DPP10: variants seen among roughly 807,000 people sequenced by gnomAD.
DPP10 encodes dipeptidyl peptidase like 10.
A neutral mutation model predicts 120.9 loss-of-function variants in DPP10; 33 were observed. The ratio of observed to expected loss-of-function variants is 0.27; its 90% CI spans 0.21 to 0.37. The LOEUF (loss-of-function observed/expected upper bound fraction) is 0.37, where lower values mean the gene tolerates loss of function less well. Among genes scored for constraint, DPP10 ranks in the 10% least tolerant of loss-of-function variants. The pLI is 1.00. For missense variants in DPP10, 816 were observed against 942.8 expected, an observed-to-expected ratio of 0.87 and a Z score of 1.76; for synonymous variants, 337 against 326.1, an observed-to-expected ratio of 1.03 and a Z score of -0.36.
intron 1 of DPP10, among the ~76,000 whole-genome samples, chr2:114,550,302 G>A (rs1460972531): frequency 1.3e-5 from 2 of 152,234 alleles, no homozygotes; most frequent in Admixed American, 6.5e-5. Flanking sequence ...GACTCCAGTT[G>A]CACCACATTA....
intron 1 of DPP10, among the ~76,000 whole-genome samples, chr2:114,744,490 A>G (rs896429909): frequency 6.6e-6 from 1 of 152,344 alleles, no homozygotes; most frequent in East Asian, 1.9e-4. Flanking sequence ...TGCTAACATT[A>G]GAACATGAAG....
At chr2:115,642,228 G>A (rs1558967635) in intron 5 of DPP10, among the ~76,000 whole-genome samples, 1 of 151,862 alleles carries the variant, frequency 6.6e-6, no homozygotes, top group Non-Finnish European at 1.5e-5. Context: ...TTAATTCCGT[G>A]TGTCAGTTTT....
rs114508370 is a variant in DPP10 at position 115,690,186 on chromosome 2, G to A, written c.576+265G>A. Among the ~76,000 whole-genome samples, 748 of 152,120 alleles carry A rather than the reference G, an allele frequency of 4.9e-3. 4 individuals carry two copies. The highest frequency in any genetic ancestry group is 0.017 in the African/African-American group (706 of 41,506). ...ATAATGAAACCTAGAAGAGATTCAA[G>A]GTTACTAGGACCTTGTACTGCATAC... is the stretch of plus-strand genomic sequence containing the variant. On this transcript the variant is annotated intron_variant, in intron 7 of 25. Transcript: ENST00000410059.
chr2:114,858,082 C>T (rs1199964604), intron 1 of DPP10, among the ~76,000 whole-genome samples: 2 of 152,126 alleles, frequency 1.3e-5, no homozygotes, highest in African/African-American at 2.4e-5. Flanking sequence ...CTCCACCTCC[C>T]GGGTTCAAGC....
intron 1 of DPP10, among the ~76,000 whole-genome samples, chr2:115,214,959 A>G (rs2056732066): frequency 6.6e-6 from 1 of 152,192 alleles, no homozygotes; most frequent in Non-Finnish European, 1.5e-5. Flanking sequence ...GTTGGCAGCT[A>G]GACTGCTGTC....
intron 1 of DPP10, among the ~76,000 whole-genome samples, chr2:115,227,108 T>A (rs1559274685): frequency 6.6e-6 from 1 of 152,196 alleles, no homozygotes; most frequent in Non-Finnish European, 1.5e-5. Flanking sequence ...TTCATCAACC[T>A]AACATCAAGA....
intron 5 of DPP10, among the ~76,000 whole-genome samples, chr2:115,626,019 A>ATACT (rs2085328745): frequency 6.6e-6 from 1 of 151,206 alleles, no homozygotes; most frequent in East Asian, 1.9e-4. Flanking sequence ...CTGCTTGGGT[A>ATACT]TACTTTCCTG....
intron 1 of DPP10, among the ~76,000 whole-genome samples, chr2:114,460,181 CTATCT>C (rs1678807856): frequency 1.3e-5 from 1 of 75,516 alleles, no homozygotes; most frequent in African/African-American, 3.7e-5. Context: ...ATCTATCTAT[CTATCT>C]ATCTATCTAT....
intron 1 of DPP10, among the ~76,000 whole-genome samples, chr2:114,945,096 G>A (rs1260679010): frequency 2.6e-5 from 4 of 152,170 alleles, no homozygotes; most frequent in Non-Finnish European, 4.4e-5. Context: ...AAAATAAATT[G>A]TATACCTACA....
intron 7 of DPP10, among the ~76,000 whole-genome samples, chr2:115,692,892 C>G (rs1400663373): frequency 2.0e-5 from 3 of 152,048 alleles, no homozygotes; most frequent in Non-Finnish European, 2.9e-5. Flanking sequence ...TATTTCATAT[C>G]ATGAGAAGCC....
intron 8 of DPP10, among the ~76,000 whole-genome samples, chr2:115,738,635 T>C (rs1276231138): frequency 6.6e-6 from 1 of 152,198 alleles, no homozygotes; most frequent in African/African-American, 2.4e-5. Flanking sequence ...TCACCACCAC[T>C]GATGATTGAT....
Position 115,746,054 on chromosome 2 carries a change from GTAC to G in DPP10, c.853-30_853-28del, listed in dbSNP as rs1677930420. 3 of 1,459,334 alleles carry G rather than the reference GTAC, an allele frequency of 2.1e-6. No homozygotes were observed. In the South Asian group the frequency reaches 3.6e-5, roughly 18 times the overall value. The allele number at this position is 1,459,334 out of a possible 1,614,324, so 90.4% of individuals were successfully genotyped here. ...TACCCAATATATTCTAATGCTTAAT[GTAC>G]TTGCAATACAACTTTCATTTTCTCA... is the stretch of plus-strand genomic sequence containing the variant. On this transcript the variant is annotated intron_variant, in intron 9 of 25. Coordinates refer to ENST00000410059, the MANE Select transcript of DPP10 (RefSeq NM_020868.6).
chr2:115,743,062 G>A (rs1318240251), intron 9 of DPP10, among the ~76,000 whole-genome samples: 3 of 151,376 alleles, frequency 2.0e-5, no homozygotes, highest in Non-Finnish European at 4.4e-5. Flanking sequence ...AAGGTTAATT[G>A]TTATTGAGGC....
chr2:115,769,979 T>C, intron 13 of DPP10, among the ~76,000 whole-genome samples: 1 of 152,086 alleles, frequency 6.6e-6, no homozygotes, highest in Non-Finnish European at 1.5e-5. Flanking sequence ...GTAAAGAAGA[T>C]TACCTACAAA....
At chr2:114,573,882 C>A (rs994366884) in intron 1 of DPP10, among the ~76,000 whole-genome samples, 1 of 152,246 alleles carries the variant, frequency 6.6e-6, no homozygotes, top group African/African-American at 2.4e-5. Flanking sequence ...TGCCTTACTG[C>A]AAACAAAGTG....
At chr2:114,910,945 T>C in intron 1 of DPP10, among the ~76,000 whole-genome samples, 1 of 152,188 alleles carries the variant, frequency 6.6e-6, no homozygotes, top group African/African-American at 2.4e-5. Context: ...TTATTCTTGT[T>C]CTTTAACATT....
chr2:115,455,693 C>T (rs1315520787), intron 3 of DPP10, among the ~76,000 whole-genome samples: 2 of 151,966 alleles, frequency 1.3e-5, no homozygotes, highest in Admixed American at 6.6e-5. Context: ...CTTTGACAAA[C>T]CTGACAAAAA....
chr2:115,379,727 C>T (rs1312718422), intron 3 of DPP10, among the ~76,000 whole-genome samples: 32 of 152,100 alleles, frequency 2.1e-4, no homozygotes, highest in East Asian at 1.2e-3. Context: ...GCTTTGAATG[C>T]GTCCCAGAGA....
At chr2:115,541,419 A>T (rs2079163509) in intron 5 of DPP10, among the ~76,000 whole-genome samples, 1 of 151,754 alleles carries the variant, frequency 6.6e-6, no homozygotes, top group African/African-American at 2.4e-5. Flanking sequence ...ACTGCATTTC[A>T]TTCCAAGAAG....
Sources: gnomAD v4.1 joint callset for allele counts (sites outside exome capture counted in the v4.1 genomes callset) on GRCh38, gnomAD v4.1.1 for gene constraint, MANE v1.5 for transcripts, NCBI Gene and HGNC (gene_info 2026-07-23, HGNC 2026-07-21) for gene names.